PSG6: variants seen among roughly 807,000 people sequenced by gnomAD.
The protein encoded by PSG6 is pregnancy specific beta-1-glycoprotein 6, also known as pregnancy-specific beta-1-glycoprotein 6.
In PSG6, 51 loss-of-function variants were observed where a neutral mutation model predicts 43.3. The ratio of observed to expected loss-of-function variants is 1.18; its 90% CI spans 0.94 to 1.49. The LOEUF is 1.49. PSG6 is among the 40% of genes most tolerant of loss of function. The probability of loss-of-function intolerance (pLI) is 0.00; values close to 1 mark genes in which losing one functional copy is unlikely to be tolerated. For missense variants in PSG6, 770 were observed against 522.2 expected, an observed-to-expected ratio of 1.47 and a Z score of -4.62; for synonymous variants, 292 against 197.6, an observed-to-expected ratio of 1.48 and a Z score of -4.01.
chr19:42,917,700 TGTCCTCTCCCAGGAA>T lies in PSG6; in HGVS notation c.64+14_64+28del. ...ATCCAGTCACTCTGCTTCCTCCTCC[TGTCCTCTCCCAGGAA>T]GTCCTCTCCTCACCTGTGAGCAGGA... is the stretch of plus-strand genomic sequence containing the variant. On this transcript the variant is annotated intron_variant, in intron 1 of 5. Transcript: ENST00000187910. 1 of 1,606,814 alleles carries T rather than the reference TGTCCTCTCCCAGGAA, an allele frequency of 6.2e-7. No individual in the cohort carries two copies. Among genetic ancestry groups the T allele is most frequent in the Admixed American group, 1.7e-5 (1 of 59,734 alleles).
At position 42,910,611 on chromosome 19, in the gene PSG6, G is replaced by A. The variant is rs891566100; in HGVS notation, c.675C>T (p.Ser225=). 16 of 1,612,368 alleles carry A rather than the reference G, an allele frequency of 9.9e-6. No homozygotes were observed. Among genetic ancestry groups the A allele is most frequent in the East Asian group, 4.5e-5 (2 of 44,786 alleles). The part of the protein sequence containing the change: ...ECEIRNPVSA[S]RSDPVTLNLL... The stretch of plus-strand genomic sequence containing the variant: ...GATTCAGGGTGACTGGGTCACTGCG[G>A]CTGGCACTCACTGGGTTCCGTATTT... The change falls in exon 3 of 6, where the codon AGC becomes AGT. Residue 225 remains serine, a synonymous_variant. Transcript: ENST00000187910.
In PSG6 at chr19:42,916,471, G is replaced by T; in HGVS notation, c.81C>A (p.Phe27Leu). Residue 27 changes from phenylalanine to leucine, a missense_variant, in exon 2 of 6, where the codon TTC becomes TTA. Coordinates refer to ENST00000187910, the MANE Select transcript of PSG6 (RefSeq NM_001031850.4). The stretch of plus-strand genomic sequence containing the variant: ...CTTGGGCAGTGGTGGGCAGGTTCCA[G>T]AAGTTTAAAAGTGATGCTAGGAGGT... ...GLLLTASLLN[F>L]WNLPTTAQVI... is the part of the protein sequence containing the mutation. The T allele has an allele frequency of 6.2e-7, 1 of 1,611,110 alleles. No homozygotes were observed. Among genetic ancestry groups the T allele is most frequent in the Non-Finnish European group, 8.5e-7 (1 of 1,178,636 alleles).
intron 5 of PSG6, among the ~76,000 whole-genome samples, chr19:42,903,346 A>C (rs1972063921): frequency 6.6e-6 from 1 of 151,654 alleles, no homozygotes. Context: ...TTAAAAAAGA[A>C]GAAAGAGCTC....
At chr19:42,905,294 T>A (rs1283953638) in intron 5 of PSG6, among the ~76,000 whole-genome samples, 1 of 151,750 alleles carries the variant, frequency 6.6e-6, no homozygotes, top group East Asian at 1.9e-4. Context: ...ACCTTTTATA[T>A]AGCCCATGCA....
chr19:42,912,134 C>T (rs139941580), intron 2 of PSG6, among the ~76,000 whole-genome samples: 171 of 151,624 alleles, frequency 1.1e-3, no homozygotes, highest in African/African-American at 3.8e-3. Flanking sequence ...ATCCACAATG[C>T]GCGAGTGAGC....
chr19:42,908,457 G>A (rs572040757), intron 3 of PSG6, among the ~76,000 whole-genome samples: 1 of 151,814 alleles, frequency 6.6e-6, no homozygotes, highest in African/African-American at 2.4e-5. Context: ...TTTTTTGCAG[G>A]TGTTTCATGA....
At chr19:42,907,220 A>T (rs1972131716) in intron 4 of PSG6, 44 bp from the exon 5 acceptor site, 2 of 1,594,324 alleles carry the variant, frequency 1.3e-6, no homozygotes, top group Non-Finnish European at 1.7e-6. Flanking sequence ...CATCCAAGGG[A>T]AGGGGATGCT....
In PSG6 at chr19:42,915,778, G is replaced by T. The variant is rs1052075444; in HGVS notation, c.427+347C>A. ...TGAGGTTCTCTGAGGGTATCTCAGT[G>T]GGCCCCTCAGGCCAAGCCCTACTCA... On this transcript the variant is annotated intron_variant, in intron 2 of 5. Coordinates refer to ENST00000187910, the MANE Select transcript of PSG6 (RefSeq NM_001031850.4). The T allele has an allele frequency of 4.6e-6, 2 of 430,916 alleles. 1 individual carries two copies. The highest frequency in any genetic ancestry group is 7.9e-5 in the Admixed American group (2 of 25,378). 26.7% of individuals were successfully genotyped at this position (430,916 alleles called of 1,614,324 possible). A position where few individuals can be genotyped will look rare whatever the true frequency, so the allele number is the denominator to read the frequency against.
In PSG6 at chr19:42,915,794, G is replaced by A; in HGVS notation, c.427+331C>T. The A allele has an allele frequency of 1.0e-5, 5 of 488,262 alleles. 1 individual carries two copies. Among genetic ancestry groups the A allele is most frequent in the Non-Finnish European group, 1.8e-5 (5 of 282,568 alleles). 30.2% of individuals were successfully genotyped at this position (488,262 alleles called of 1,614,324 possible). The stretch of plus-strand genomic sequence containing the variant: ...TATCTCAGTGGGCCCCTCAGGCCAA[G>A]CCCTACTCAGTTTTCCAGGGTCTTT... On this transcript the variant is annotated intron_variant, in intron 2 of 5. Coordinates refer to ENST00000187910, the MANE Select transcript of PSG6 (RefSeq NM_001031850.4).
chr19:42,915,443 AT>A (rs1484578020), intron 2 of PSG6: 2 of 151,758 alleles, frequency 1.3e-5, no homozygotes, highest in Non-Finnish European at 2.9e-5. Context: ...GCTTCTGGGG[AT>A]ATTAGACTTT....
At chr19:42,903,599 T>G (rs1427718968) in intron 5 of PSG6, 3 of 1,397,202 alleles carry the variant, frequency 2.1e-6, no homozygotes, top group Non-Finnish European at 2.8e-6. Context: ...AAATCATAAA[T>G]GAAAATGGAC....
intron 1 of PSG6, among the ~76,000 whole-genome samples, chr19:42,917,007 C>G (rs1670803875): frequency 2.0e-5 from 3 of 151,576 alleles, no homozygotes; most frequent in Non-Finnish European, 4.4e-5. Context: ...TGGTTGCACC[C>G]CAGTGCCTGG....
chr19:42,915,068 G>A (rs972407370), intron 2 of PSG6, among the ~76,000 whole-genome samples: 1 of 151,558 alleles, frequency 6.6e-6, no homozygotes, highest in African/African-American at 2.4e-5. Flanking sequence ...AAATGACTAT[G>A]GGGTCCTTGG....
At chr19:42,916,566 G>T in intron 1 of PSG6, 79 bp from the exon 2 acceptor site, 2 of 1,518,108 alleles carry the variant, frequency 1.3e-6, no homozygotes, top group East Asian at 2.3e-5. Flanking sequence ...GTCCTGAGAA[G>T]GTCTCTTCAA....
At chr19:42,917,403 A>G (rs1167905988) in intron 1 of PSG6, among the ~76,000 whole-genome samples, 4 of 125,794 alleles carry the variant, frequency 3.2e-5, no homozygotes, top group Non-Finnish European at 6.3e-5. Context: ...TCGTACTGTC[A>G]CCCAGGCTGG....
chr19:42,914,288 C>T (rs1353885077), intron 2 of PSG6, among the ~76,000 whole-genome samples: 1 of 151,264 alleles, frequency 6.6e-6, no homozygotes, highest in African/African-American at 2.4e-5. Context: ...GGGAGGTGGG[C>T]CAGGCCACAG....
In PSG6 at chr19:42,908,415, C is replaced by CATCAGGCACT. The variant is rs373217611; in HGVS notation, c.707-571_707-562dup. 5.7e-3 allele frequency among the ~76,000 whole-genome samples: 860 copies of CATCAGGCACT among 151,860 alleles called. 15 individuals are homozygous for CATCAGGCACT. Among genetic ancestry groups the CATCAGGCACT allele is most frequent in the African/African-American group, 0.019 (795 of 41,394 alleles). Reference sequence around the variant, plus strand: ...AGTCAAGCCTGTAGGTCAGTTCAGTCATCAGGCACTAGAGGCACCAGGTGG... The same window carrying CATCAGGCACT: ...AGTCAAGCCTGTAGGTCAGTTCAGTCATCAGGCACTATCAGGCACTAGAGGCACCAGGTGG... On this transcript the variant is annotated intron_variant, in intron 3 of 5. Coordinates refer to ENST00000187910, the MANE Select transcript of PSG6 (RefSeq NM_001031850.4).
At chr19:42,915,597 A>C in intron 2 of PSG6, 1 of 166,060 alleles carries the variant, frequency 6.0e-6, no homozygotes, top group Non-Finnish European at 1.3e-5. Flanking sequence ...CTGGCTGGTG[A>C]ACAGCTCCAG....
At position 42,912,933 on chromosome 19, in the gene PSG6, G is replaced by C. The variant is rs115963343; in HGVS notation, c.428-2075C>G. Among the ~76,000 whole-genome samples, 632 of 151,794 alleles carry C rather than the reference G, an allele frequency of 4.2e-3. 18 individuals carry two copies. The highest frequency in any genetic ancestry group is 0.015 in the African/African-American group (618 of 41,404). The stretch of plus-strand genomic sequence containing the variant: ...GTATTCCCGTTAAGTGTATGTGACA[G>C]CCTTTGTAGTTGTCCCACAACTACA... On this transcript the variant is annotated intron_variant, in intron 2 of 5. Transcript: ENST00000187910.
Sources: gnomAD v4.1 joint callset for allele counts (sites outside exome capture counted in the v4.1 genomes callset) on GRCh38, gnomAD v4.1.1 for gene constraint, MANE v1.5 for transcripts, NCBI Gene and HGNC (gene_info 2026-07-23, HGNC 2026-07-21) for gene names.